USP3: variants seen among roughly 807,000 people sequenced by gnomAD.
USP3 encodes the protein ubiquitin specific peptidase 3, also known as ubiquitin carboxyl-terminal hydrolase 3.
A neutral mutation model predicts 72.3 loss-of-function variants in USP3; 20 were observed. That is an observed-to-expected ratio of 0.28 (90% CI 0.19 to 0.40). The LOEUF is 0.40. Ranked by LOEUF, USP3 falls within the 10% of genes least tolerant of loss-of-function variation. The probability of loss-of-function intolerance (pLI) is 1.00; values close to 1 mark genes in which losing one functional copy is unlikely to be tolerated. For missense variants in USP3, 479 were observed against 633.9 expected (o/e 0.76, Z 2.62); for synonymous variants, 222 against 225.3 (o/e 0.99, Z 0.13).
At chr15:63,514,533 A>G (rs2065826839) in intron 1 of USP3, among the ~76,000 whole-genome samples, 3 of 152,182 alleles carry the variant, frequency 2.0e-5, no homozygotes, top group Non-Finnish European at 4.4e-5. Flanking sequence ...AGAGTTTCCC[A>G]GTAAGTACAA....
At chr15:63,576,541 GAC>G (rs1359325976) in intron 11 of USP3, among the ~76,000 whole-genome samples, 1 of 152,156 alleles carries the variant, frequency 6.6e-6, no homozygotes, top group East Asian at 1.9e-4. Flanking sequence ...GAGAGTGCAT[GAC>G]ACAGCTTATA....
chr15:63,559,794 T>C (rs1393589933), intron 6 of USP3, 63 bp from the exon 7 acceptor site: 1 of 1,428,416 alleles, frequency 7.0e-7, no homozygotes, highest in Non-Finnish European at 9.5e-7. Context: ...GTAGGCTTCA[T>C]CAACTTTCTT....
At chr15:63,546,669 A>G (rs1461504838) in intron 3 of USP3, among the ~76,000 whole-genome samples, 1 of 152,034 alleles carries the variant, frequency 6.6e-6, no homozygotes, top group Non-Finnish European at 1.5e-5. Flanking sequence ...GCCTGATCTC[A>G]GCTCACTGCA....
chr15:63,510,227 G>T (rs769498382), intron 1 of USP3, among the ~76,000 whole-genome samples: 1 of 152,144 alleles, frequency 6.6e-6, no homozygotes, highest in African/African-American at 2.4e-5. Context: ...GAGTAATTTA[G>T]TGTGTAGCTC....
chr15:63,574,201 T>G lies in USP3; in HGVS notation c.1015+49T>G. 2.1e-6 allele frequency: 3 copies of G among 1,417,366 alleles called. No homozygotes were observed. Among genetic ancestry groups the G allele is most frequent in the Non-Finnish European group, 2.8e-6 (3 of 1,064,762 alleles). The allele number at this position is 1,417,366 out of a possible 1,614,324, so 87.8% of individuals were successfully genotyped here. On this transcript the variant is annotated intron_variant, in intron 10 of 14. Coordinates refer to ENST00000380324, the MANE Select transcript of USP3 (RefSeq NM_006537.4). This position sits in a 1 kb window ranked among gnomAD's most constrained non-coding sequence, Gnocchi z 4.6. ...TATATAATATTTTATTAAAATAAAT[T>G]TAATGTTTCCTTCAAAAAATAAGTG...
intron 9 of USP3, among the ~76,000 whole-genome samples, chr15:63,573,469 T>G (rs559162781): frequency 6.6e-6 from 1 of 152,346 alleles, no homozygotes; most frequent in South Asian, 2.1e-4. Context: ...TTTTAAAAAG[T>G]GTTCTCCGCA....
intron 4 of USP3, chr15:63,556,161 C>T (rs2066504251): frequency 1.3e-5 from 2 of 152,308 alleles, no homozygotes; most frequent in African/African-American, 4.8e-5. Flanking sequence ...AATGAATGTA[C>T]ATGTGCCTGT....
At chr15:63,522,225 T>A (rs2065929924) in intron 1 of USP3, among the ~76,000 whole-genome samples, 2 of 152,202 alleles carry the variant, frequency 1.3e-5, no homozygotes, top group South Asian at 4.1e-4. Context: ...TAGTGAACAT[T>A]GGAGTAGAAG....
At chr15:63,558,001 A>G in intron 5 of USP3, 105 bp from the exon 6 acceptor site, 2 of 1,100,406 alleles carry the variant, frequency 1.8e-6, no homozygotes, top group Non-Finnish European at 1.4e-6. Context: ...ACCAATTCCA[A>G]ATTGGCTTGG....
intron 2 of USP3, chr15:63,533,851 A>T: frequency 8.1e-7 from 1 of 1,233,734 alleles, no homozygotes; most frequent in Non-Finnish European, 1.0e-6. Context: ...TTTTTTAAAA[A>T]AGAAGAAAAG....
chr15:63,529,539 T>C lies in USP3; in HGVS notation c.92-3108T>C, dbSNP rs1167177562. On this transcript the variant is annotated intron_variant, in intron 1 of 14. Coordinates refer to ENST00000380324, the MANE Select transcript of USP3 (RefSeq NM_006537.4). This position sits in a 1 kb window ranked among gnomAD's most constrained non-coding sequence, Gnocchi z 4.2. Reference sequence around the variant, plus strand: ...TAAAATGTGTTATTGAATTGAGAAATTAAAAAAAATTAAAGCCTTGTGAGA... The same window carrying C: ...TAAAATGTGTTATTGAATTGAGAAACTAAAAAAAATTAAAGCCTTGTGAGA... Among the ~76,000 whole-genome samples, 1 of 152,144 alleles carries C rather than the reference T, an allele frequency of 6.6e-6. No homozygotes were observed. Among genetic ancestry groups the C allele is most frequent in the African/African-American group, 2.4e-5 (1 of 41,436 alleles).
At chr15:63,541,202 A>C (rs1414140969) in intron 3 of USP3, among the ~76,000 whole-genome samples, 1 of 152,202 alleles carries the variant, frequency 6.6e-6, no homozygotes, top group Non-Finnish European at 1.5e-5. Flanking sequence ...GTTTTAAAGC[A>C]TCCTTTCAAA....
intron 9 of USP3, among the ~76,000 whole-genome samples, chr15:63,572,022 A>T (rs1374455732): frequency 6.6e-6 from 1 of 152,226 alleles, no homozygotes; most frequent in Non-Finnish European, 1.5e-5. Context: ...TATGGAAGAA[A>T]TAAGTGGCAG....
rs752772188 is a variant in USP3, at chr15:63,590,842, A to ATCAT, written c.*20_*23dup. Reference sequence around the variant, plus strand: ...TAAACTTTAATACCTCCTCCAAATCATCATTCACCAACCATACCAGAGAAA... The same window carrying ATCAT: ...TAAACTTTAATACCTCCTCCAAATCATCATTCATTCACCAACCATACCAGAGAAA... On this transcript the variant is annotated 3_prime_UTR_variant, in exon 15 of 15. Coordinates refer to ENST00000380324, the MANE Select transcript of USP3 (RefSeq NM_006537.4). 6.3e-7 allele frequency: 1 copy of ATCAT among 1,599,988 alleles called. No homozygotes were observed. Among genetic ancestry groups the ATCAT allele is most frequent in the African/African-American group, 1.3e-5 (1 of 74,354 alleles).
intron 1 of USP3, among the ~76,000 whole-genome samples, chr15:63,527,416 A>G (rs2065999573): frequency 1.3e-5 from 2 of 152,220 alleles, no homozygotes; most frequent in Admixed American, 1.3e-4. Flanking sequence ...TGAATAATGG[A>G]TGCACTATAA....
intron 11 of USP3, among the ~76,000 whole-genome samples, chr15:63,578,700 A>G (rs377678426): frequency 6.6e-6 from 1 of 152,172 alleles, no homozygotes; most frequent in East Asian, 1.9e-4. Context: ...ATCATAGTTA[A>G]TGGTGAAGCA....
chr15:63,590,713 C>G lies in USP3; in HGVS notation c.1450C>G (p.His484Asp), dbSNP rs1358527257. 1 of 1,613,684 alleles carries G rather than the reference C, an allele frequency of 6.2e-7. No individual in the cohort carries two copies. Among genetic ancestry groups the G allele is most frequent in the Non-Finnish European group, 8.5e-7 (1 of 1,179,836 alleles). ...AYATHEGRWF[H>D]FNDSTVTLTD... ...CGCAACTCACGAAGGCCGCTGGTTC[C>G]ACTTCAATGACAGTACTGTAACACT... The change falls in exon 15 of 15, where the codon CAC (histidine) becomes GAC (aspartate). Residue 484 changes from histidine to aspartate, a missense_variant. By Grantham distance (81) the His-to-Asp change is moderately conservative (BLOSUM62 -1). Transcript: ENST00000380324.
chr15:63,533,368 T>A (rs1327889926), intron 2 of USP3, among the ~76,000 whole-genome samples: 2 of 152,150 alleles, frequency 1.3e-5, no homozygotes, highest in Non-Finnish European at 2.9e-5. Flanking sequence ...CACCCCAGTT[T>A]AAACCTGAGC....
At chr15:63,572,784 C>T (rs1052427017) in intron 9 of USP3, among the ~76,000 whole-genome samples, 10 of 152,092 alleles carry the variant, frequency 6.6e-5, no homozygotes, top group East Asian at 5.8e-4. Context: ...CGTAAGTGCA[C>T]GAAGGCTAAT....
Sources: gnomAD v4.1 joint callset for allele counts (sites outside exome capture counted in the v4.1 genomes callset) on GRCh38, gnomAD v4.1.1 for gene constraint, Gnocchi (gnomAD v3.1) non-coding constraint, MANE v1.5 for transcripts, NCBI Gene and HGNC (gene_info 2026-07-23, HGNC 2026-07-21) for gene names.